CFAP68: variants seen among roughly 807,000 people sequenced by gnomAD.
The protein encoded by CFAP68 is cilia and flagella associated protein 68, also known as cilia- and flagella-associated protein 68.
the CFAP68 span, chr11:111,879,689 G>A: frequency 4.9e-6 from 7 of 1,439,978 alleles, no homozygotes; most frequent in South Asian, 3.4e-5. Flanking sequence ...GGGTGGTTAC[G>A]ATATGTGGAT....
At chr11:111,885,789 C>T in the CFAP68 span, 3 of 152,254 alleles carry the variant, frequency 2.0e-5, no homozygotes, top group South Asian at 2.1e-4. Flanking sequence ...TATATTACCT[C>T]TCAAACCTTT....
chr11:111,882,524 A>T, the CFAP68 span: 2 of 1,613,910 alleles, frequency 1.2e-6, no homozygotes, highest in Non-Finnish European at 8.5e-7. Flanking sequence ...TTCAAACCGT[A>T]CCCTGATGGG....
At chr11:111,883,209 G>A in the CFAP68 span, 1 of 1,560,766 alleles carries the variant, frequency 6.4e-7, no homozygotes, top group Admixed American at 1.9e-5. Context: ...CATAGTACGT[G>A]GACTGTTTTT....
At chr11:111,882,224 G>C in the CFAP68 span, 1 of 680,054 alleles carries the variant, frequency 1.5e-6, no homozygotes, top group South Asian at 2.0e-5. Flanking sequence ...ACTTAGAGAA[G>C]AAGAAACAGA....
At chr11:111,881,210 G>C in the CFAP68 span, 7 of 1,328,544 alleles carry the variant, frequency 5.3e-6, no homozygotes, top group South Asian at 3.7e-5. Flanking sequence ...TGTCATTCCA[G>C]CCCTAGAGAC....
At chr11:111,885,295 T>G in the CFAP68 span, 3 of 152,176 alleles carry the variant, frequency 2.0e-5, no homozygotes, top group Non-Finnish European at 4.4e-5. Context: ...CTGGGCAACA[T>G]AGCAAGACCC....
At chr11:111,884,113 A>G in the CFAP68 span, 1 of 386,390 alleles carries the variant, frequency 2.6e-6, no homozygotes, top group Non-Finnish European at 4.6e-6. Context: ...TTTAACCAAG[A>G]TTTAAATGTC....
chr11:111,881,179 A>G, the CFAP68 span: 3 of 1,275,098 alleles, frequency 2.4e-6, no homozygotes, highest in Non-Finnish European at 3.0e-6. Flanking sequence ...TGGCTTGGAC[A>G]ACTGAGTGGA....
At chr11:111,880,186 C>T in the CFAP68 span, among the ~76,000 whole-genome samples, 18 of 152,226 alleles carry the variant, frequency 1.2e-4, no homozygotes, top group African/African-American at 3.9e-4. Context: ...AGTTTTTCAA[C>T]CCACACCACC....
At chr11:111,881,445 T>A in the CFAP68 span, 3 of 1,535,466 alleles carry the variant, frequency 2.0e-6, no homozygotes, top group Non-Finnish European at 2.6e-6. Context: ...TCATGGCCAC[T>A]TGCCCATGGT....
chr11:111,885,835 T>C, the CFAP68 span: 3 of 152,288 alleles, frequency 2.0e-5, 1 homozygote, highest in African/African-American at 7.2e-5. Flanking sequence ...CCAGAATTTA[T>C]GTTGTTACTC....
At chr11:111,879,660 GC>G in the CFAP68 span, 2 of 1,563,754 alleles carry the variant, frequency 1.3e-6, no homozygotes, top group African/African-American at 1.4e-5. Context: ...AGTGTCTATT[GC>G]GTGCCAGGCC....
the CFAP68 span, chr11:111,885,275 C>CA: frequency 6.6e-6 from 1 of 152,074 alleles, no homozygotes; most frequent in Admixed American, 6.6e-5. Context: ...GCTGGGAGTT[C>CA]AAAACCAGCC....
chr11:111,881,682 C>G, the CFAP68 span: 2 of 1,450,458 alleles, frequency 1.4e-6, no homozygotes, highest in African/African-American at 1.4e-5. Context: ...GAGCTTTTAT[C>G]TTACCAAAAA....
chr11:111,881,107 A>G, the CFAP68 span: 1 of 865,640 alleles, frequency 1.2e-6, no homozygotes, highest in Non-Finnish European at 1.5e-6. Flanking sequence ...AAAAATCAAC[A>G]AGACTTAGTG....
At chr11:111,884,811 T>C in the CFAP68 span, 1 of 152,210 alleles carries the variant, frequency 6.6e-6, no homozygotes, top group African/African-American at 2.4e-5. Flanking sequence ...CTTTGTCTTA[T>C]TGAATTAATT....
the CFAP68 span, chr11:111,883,763 TCCCTCA>T: frequency 6.3e-7 from 1 of 1,587,052 alleles, no homozygotes; most frequent in African/African-American, 1.3e-5. Context: ...TTTTTTTTCT[TCCCTCA>T]GGATTTAAGC....
At chr11:111,884,424 A>C in the CFAP68 span, 1 of 150,626 alleles carries the variant, frequency 6.6e-6, no homozygotes, top group Non-Finnish European at 1.5e-5. Flanking sequence ...TGGTGAGCTG[A>C]GATCATGCCA....
chr11:111,883,106 G>T, the CFAP68 span: 1 of 1,490,540 alleles, frequency 6.7e-7, no homozygotes, highest in Non-Finnish European at 9.2e-7. Context: ...TAGACTTCCA[G>T]ATTCTTAATC....
Sources: gnomAD v4.1 joint callset for allele counts (sites outside exome capture counted in the v4.1 genomes callset) on GRCh38, gnomAD v4.1.1 for gene constraint, MANE v1.5 for transcripts, NCBI Gene and HGNC (gene_info 2026-07-23, HGNC 2026-07-21) for gene names.